GPC5: variants seen among roughly 807,000 people sequenced by gnomAD.
The protein encoded by GPC5 is glypican-5.
Under a neutral mutation model 53.9 loss-of-function variants are expected in GPC5, and 47 were observed. The ratio of observed to expected loss-of-function variants is 0.87; its 90% CI spans 0.69 to 1.11. GPC5 has a LOEUF of 1.11. Among genes scored for constraint, GPC5 ranks in the 50% most tolerant of loss-of-function variants. The pLI, the probability that GPC5 is intolerant of heterozygous loss-of-function variation, is 0.00. For missense variants in GPC5, 748 were observed against 713.1 expected, an observed-to-expected ratio of 1.05 and a Z score of -0.56; for synonymous variants, 286 against 263.3, an observed-to-expected ratio of 1.09 and a Z score of -0.84.
At chr13:92,160,207 C>A (rs192429492) in intron 7 of GPC5, among the ~76,000 whole-genome samples, 3 of 152,164 alleles carry the variant, frequency 2.0e-5, no homozygotes, top group Admixed American at 2.0e-4. Context: ...TATCTATGTT[C>A]TTTTACATCC....
At chr13:92,553,784 T>C (rs541763516) in intron 7 of GPC5, among the ~76,000 whole-genome samples, 1 of 151,864 alleles carries the variant, frequency 6.6e-6, no homozygotes, top group African/African-American at 2.4e-5. Flanking sequence ...CATGGAAAAA[T>C]TTATGTGGGT....
At chr13:92,800,007 A>G (rs1292253938) in intron 7 of GPC5, among the ~76,000 whole-genome samples, 2 of 151,776 alleles carry the variant, frequency 1.3e-5, no homozygotes, top group Non-Finnish European at 2.9e-5. Context: ...TTTCAGAGAG[A>G]TAGTAATAGC....
chr13:92,499,109 T>G (rs1880091302), intron 7 of GPC5, among the ~76,000 whole-genome samples: 1 of 151,766 alleles, frequency 6.6e-6, no homozygotes, highest in Non-Finnish European at 1.5e-5. Context: ...ATAGAAAAAA[T>G]AGTTTGGATG....
At chr13:92,310,171 T>C (rs2043136342) in intron 7 of GPC5, among the ~76,000 whole-genome samples, 1 of 152,138 alleles carries the variant, frequency 6.6e-6, no homozygotes, top group Admixed American at 6.5e-5. Context: ...CTTTATTCAT[T>C]CATTTGTTGA....
intron 7 of GPC5, among the ~76,000 whole-genome samples, chr13:92,200,725 G>A (rs563107673): frequency 7.9e-5 from 12 of 152,330 alleles, no homozygotes; most frequent in African/African-American, 2.6e-4. Flanking sequence ...TGGATCATGT[G>A]CCCAAAGCTA....
chr13:92,538,773 C>T (rs1881810538), intron 7 of GPC5, among the ~76,000 whole-genome samples: 1 of 65,814 alleles, frequency 1.5e-5, no homozygotes. Flanking sequence ...TCATCCATGT[C>T]CCTGCAAAGG....
At chr13:92,354,098 A>G (rs764518025) in intron 7 of GPC5, among the ~76,000 whole-genome samples, 1 of 152,190 alleles carries the variant, frequency 6.6e-6, no homozygotes, top group African/African-American at 2.4e-5. Flanking sequence ...CACATATTTT[A>G]TGTTTGACCT....
chr13:91,861,543 CTTG>C (rs955473678), intron 5 of GPC5, among the ~76,000 whole-genome samples: 12 of 151,870 alleles, frequency 7.9e-5, no homozygotes, highest in African/African-American at 2.2e-4. Context: ...CTTCCTAATG[CTTG>C]TTGTGTATAT....
At chr13:92,628,724 G>T (rs1757061918) in intron 7 of GPC5, among the ~76,000 whole-genome samples, 1 of 152,058 alleles carries the variant, frequency 6.6e-6, no homozygotes, top group African/African-American at 2.4e-5. Flanking sequence ...TTCTCCAAGT[G>T]TTCAAACCCC....
At chr13:91,872,049 A>T (rs909049570) in intron 5 of GPC5, among the ~76,000 whole-genome samples, 2 of 152,070 alleles carry the variant, frequency 1.3e-5, no homozygotes, top group Non-Finnish European at 2.9e-5. Context: ...CAAAGCAGAG[A>T]GACTGCCAAG....
chr13:92,799,311 A>T (rs1876817839), intron 7 of GPC5, among the ~76,000 whole-genome samples: 1 of 151,786 alleles, frequency 6.6e-6, no homozygotes, highest in Non-Finnish European at 1.5e-5. Flanking sequence ...ATTAATATAA[A>T]ATATTTATAT....
intron 2 of GPC5, among the ~76,000 whole-genome samples, chr13:91,533,167 G>A (rs1012345070): frequency 1.9e-4 from 29 of 152,170 alleles, no homozygotes; most frequent in Non-Finnish European, 3.7e-4. Flanking sequence ...AGATTCAAAA[G>A]GAGGAATGGA....
At chr13:92,324,857 C>T (rs1423670987) in intron 7 of GPC5, among the ~76,000 whole-genome samples, 1 of 151,770 alleles carries the variant, frequency 6.6e-6, no homozygotes, top group East Asian at 1.9e-4. Context: ...TGGACTTCGA[C>T]CAAGATCAGT....
At chr13:91,456,534 C>A (rs1881567555) in intron 2 of GPC5, among the ~76,000 whole-genome samples, 1 of 151,386 alleles carries the variant, frequency 6.6e-6, no homozygotes, top group Non-Finnish European at 1.5e-5. Flanking sequence ...TTTTTTATTT[C>A]TTATACTAAA....
intron 7 of GPC5, among the ~76,000 whole-genome samples, chr13:92,783,987 C>T (rs896582997): frequency 5.3e-5 from 8 of 152,126 alleles, no homozygotes; most frequent in African/African-American, 1.9e-4. Context: ...ATTTTTAAAG[C>T]ATTCTTGGTA....
rs1359112608 is a variant in GPC5 at position 91,399,204 on chromosome 13, G to A, written c.158G>A (p.Arg53Gln). 2.5e-6 allele frequency: 4 copies of A among 1,611,676 alleles called. No homozygotes were observed. Among genetic ancestry groups the A allele is most frequent in the Admixed American group, 3.3e-5 (2 of 59,928 alleles). The change falls in exon 1 of 8, where the codon CGG becomes CAG. Residue 53 changes from arginine to glutamine, a missense_variant. Coordinates refer to ENST00000377067, the MANE Select transcript of GPC5 (RefSeq NM_004466.6). ...GAVRGLPDSP[R>Q]AGPDLQVCIS... is the part of the protein sequence containing the mutation. ...GTCAGGGGGCTGCCGGATTCGCCGC[G>A]GGCAGGTAAGGGGCAATGAGGGGGT...
intron 7 of GPC5, among the ~76,000 whole-genome samples, chr13:92,255,902 A>G (rs900751464): frequency 1.2e-4 from 18 of 152,242 alleles, no homozygotes; most frequent in African/African-American, 4.3e-4. Flanking sequence ...CAGAGTGTTT[A>G]GAAGGAAGGG....
intron 7 of GPC5, among the ~76,000 whole-genome samples, chr13:92,768,959 CGT>C (rs1875513455): frequency 6.6e-6 from 1 of 152,066 alleles, no homozygotes; most frequent in Non-Finnish European, 1.5e-5. Flanking sequence ...ATAGATCACC[CGT>C]GCTGACTTAA....
At chr13:92,807,117 G>A (rs1468607163) in intron 7 of GPC5, among the ~76,000 whole-genome samples, 2 of 151,804 alleles carry the variant, frequency 1.3e-5, no homozygotes, top group Non-Finnish European at 1.5e-5. Context: ...TACAGAAAGT[G>A]TTTAGCATAA....
Sources: allele counts gnomAD v4.1 joint callset (sites outside exome capture counted in the v4.1 genomes callset), GRCh38; gene constraint gnomAD v4.1.1; transcripts MANE v1.5; gene names NCBI Gene and HGNC (gene_info 2026-07-23, HGNC 2026-07-21).